Variants in APP observed in about 807,000 individuals in gnomAD.
APP encodes the protein amyloid beta precursor protein, also known as amyloid-beta precursor protein.
APP carries 31 observed loss-of-function variants against 101.4 expected under a neutral mutation model. That is an observed-to-expected ratio of 0.31 (90% CI 0.23 to 0.41). The LOEUF is 0.41. Among genes scored for constraint, APP ranks in the 10% least tolerant of loss-of-function variants. APP has a pLI of 1.00. For missense variants in APP, 839 were observed against 1,003.7 expected (o/e 0.84, Z 2.22); for synonymous variants, 366 against 364.4 (o/e 1.00, Z -0.05).
chr21:25,979,650 C>T (rs2042350577), intron 9 of APP, among the ~76,000 whole-genome samples: 1 of 152,092 alleles, frequency 6.6e-6, no homozygotes, highest in South Asian at 2.1e-4. Flanking sequence ...AAATCATGAA[C>T]TAAGTCACAA....
intron 11 of APP, among the ~76,000 whole-genome samples, chr21:25,974,821 T>C (rs2042165242): frequency 6.6e-6 from 1 of 152,112 alleles, no homozygotes; most frequent in African/African-American, 2.4e-5. Flanking sequence ...GCAATGTGAG[T>C]CCCTGGGAGT....
intron 1 of APP, among the ~76,000 whole-genome samples, chr21:26,153,659 C>T (rs1297460448): frequency 6.6e-6 from 1 of 152,152 alleles, no homozygotes; most frequent in Non-Finnish European, 1.5e-5. Context: ...ATCCTCTAAG[C>T]ATTGTCCCAG....
chr21:26,000,791 T>C (rs2043258770), intron 6 of APP, among the ~76,000 whole-genome samples: 1 of 152,008 alleles, frequency 6.6e-6, no homozygotes, highest in Non-Finnish European at 1.5e-5. Context: ...TTAAGATATG[T>C]ACTAATATAA....
rs116790185 is a variant in APP at position 25,926,290 on chromosome 21, C to T, written c.1688-14328G>A. 8.4e-3 allele frequency among the ~76,000 whole-genome samples: 1,279 copies of T among 152,278 alleles called. 24 individuals carry two copies. The highest frequency in any genetic ancestry group is 0.029 in the African/African-American group (1,221 of 41,540). On this transcript the variant is annotated intron_variant, in intron 13 of 17. Transcript: ENST00000346798. ...ACTGAAGACACTTTTAGCAGACGGGCCTTCACTAGTGAGTAAATATACTAA... is the reference window on the plus strand; with the variant it reads ...ACTGAAGACACTTTTAGCAGACGGGTCTTCACTAGTGAGTAAATATACTAA...
At chr21:26,146,747 T>C (rs1362029866) in intron 1 of APP, among the ~76,000 whole-genome samples, 1 of 152,246 alleles carries the variant, frequency 6.6e-6, no homozygotes, top group Non-Finnish European at 1.5e-5. Context: ...TTTTCAAAAA[T>C]GTTCATTTTT....
At chr21:26,150,835 T>C (rs1037328152) in intron 1 of APP, among the ~76,000 whole-genome samples, 4 of 152,262 alleles carry the variant, frequency 2.6e-5, no homozygotes, top group Non-Finnish European at 5.9e-5. Flanking sequence ...ATGTTGATAG[T>C]GTAAGAATTT....
intron 17 of APP, among the ~76,000 whole-genome samples, chr21:25,888,032 A>AT (rs1172522612): frequency 6.6e-6 from 1 of 152,100 alleles, no homozygotes; most frequent in Non-Finnish European, 1.5e-5. Flanking sequence ...AAAACAAAAA[A>AT]TCTCCTGGAA....
chr21:25,900,833 C>CA (rs549568570), intron 15 of APP, among the ~76,000 whole-genome samples: 201 of 151,468 alleles, frequency 1.3e-3, no homozygotes, highest in African/African-American at 4.6e-3. Context: ...ACTAAAAATA[C>CA]AAAAAATTAG....
chr21:25,947,741 G>A (rs1261860392), intron 13 of APP, among the ~76,000 whole-genome samples: 1 of 152,116 alleles, frequency 6.6e-6, no homozygotes, highest in African/African-American at 2.4e-5. Context: ...GGGGGCTCAC[G>A]CCTGTATTCC....
chr21:26,155,421 G>A (rs1484558678), intron 1 of APP, among the ~76,000 whole-genome samples: 1 of 151,908 alleles, frequency 6.6e-6, no homozygotes, highest in African/African-American at 2.4e-5. Flanking sequence ...AATTAATTTC[G>A]CCTGCTTATT....
At chr21:25,886,981 C>A (rs2037367980) in intron 17 of APP, among the ~76,000 whole-genome samples, 1 of 151,796 alleles carries the variant, frequency 6.6e-6, no homozygotes, top group Non-Finnish European at 1.5e-5. Flanking sequence ...TCCATAAAAG[C>A]CAAATAAAAG....
At chr21:26,077,951 C>A (rs185190623) in intron 3 of APP, among the ~76,000 whole-genome samples, 133 of 152,254 alleles carry the variant, frequency 8.7e-4, no homozygotes, top group African/African-American at 2.9e-3. Context: ...TATTGAGAAC[C>A]TTCTTTGTCA....
At position 26,058,864 on chromosome 21, in the gene APP, A is replaced by G. The variant is rs45470702; in HGVS notation, c.356-5516T>C. 1.9e-4 allele frequency among the ~76,000 whole-genome samples: 29 copies of G among 152,160 alleles called. No homozygotes were observed. In the South Asian group the frequency reaches 2.3e-3, roughly 12 times the overall value. On this transcript the variant is annotated intron_variant, in intron 3 of 17. Transcript: ENST00000346798. ...TGGGAGGCCGAGGCGGGCGGATCACAAGGTCAGGAGATCGAGACCATCCTG... is the reference window on the plus strand; with the variant it reads ...TGGGAGGCCGAGGCGGGCGGATCACGAGGTCAGGAGATCGAGACCATCCTG...
intron 13 of APP, chr21:25,933,698 A>C (rs930872109): frequency 6.6e-6 from 1 of 152,222 alleles, no homozygotes; most frequent in Non-Finnish European, 1.5e-5. Context: ...ACCCTGGCTA[A>C]TTAAAACAGC....
chr21:26,142,608 A>C (rs964767971), intron 1 of APP, among the ~76,000 whole-genome samples: 5 of 152,106 alleles, frequency 3.3e-5, no homozygotes, highest in African/African-American at 1.2e-4. Context: ...ATCTCTACAA[A>C]AAATCTTTAA....
intron 3 of APP, among the ~76,000 whole-genome samples, chr21:26,073,614 G>C (rs1333354261): frequency 1.3e-5 from 2 of 152,218 alleles, no homozygotes; most frequent in Non-Finnish European, 2.9e-5. Flanking sequence ...TGAATGACTG[G>C]AGTGAGGGAT....
At chr21:26,152,348 TACAA>T (rs982632605) in intron 1 of APP, among the ~76,000 whole-genome samples, 6 of 137,826 alleles carry the variant, frequency 4.4e-5, no homozygotes, top group Admixed American at 1.4e-4. Flanking sequence ...AAAGCAAATG[TACAA>T]ACAAACAAAA....
chr21:26,095,089 C>A (rs2061911814), intron 2 of APP, among the ~76,000 whole-genome samples: 1 of 152,184 alleles, frequency 6.6e-6, no homozygotes, highest in South Asian at 2.1e-4. Flanking sequence ...TGTGATCCAC[C>A]CGCCTTGGCC....
chr21:25,928,370 C>CAAAA lies in APP; in HGVS notation c.1688-16412_1688-16409dup, dbSNP rs1555897433. Among the ~76,000 whole-genome samples the CAAAA allele has an allele frequency of 1.7e-4, 25 of 151,418 alleles. No homozygotes were observed. The South Asian group carries it at 3.3e-3, about 20-fold the overall frequency. ...ACAAACAAACAAACAAACAAACAAA[C>CAAAA]AAAAAAACCAAGTTTATATACTACA... is the stretch of plus-strand genomic sequence containing the variant. On this transcript the variant is annotated intron_variant, in intron 13 of 17. Coordinates refer to ENST00000346798, the MANE Select transcript of APP (RefSeq NM_000484.4).
Sources: allele counts gnomAD v4.1 joint callset (sites outside exome capture counted in the v4.1 genomes callset), GRCh38; gene constraint gnomAD v4.1.1; transcripts MANE v1.5; gene names NCBI Gene and HGNC (gene_info 2026-07-23, HGNC 2026-07-21).